PAPPA2: variants seen among roughly 807,000 people sequenced by gnomAD.
PAPPA2 encodes the protein pappalysin 2, also known as pappalysin-2.
Under a neutral mutation model 176.4 loss-of-function variants are expected in PAPPA2, and 86 were observed. That is an observed-to-expected ratio of 0.49 (90% CI 0.41 to 0.58). The LOEUF (loss-of-function observed/expected upper bound fraction) is 0.58. Among genes scored for constraint, PAPPA2 ranks in the 20% least tolerant of loss-of-function variants. The probability of loss-of-function intolerance (pLI) is 0.00; values close to 1 mark genes in which losing one functional copy is unlikely to be tolerated. For missense variants in PAPPA2, 2,073 were observed against 2,256.9 expected (o/e 0.92, Z 1.65); for synonymous variants, 809 against 852.2 (o/e 0.95, Z 0.88).
intron 3 of PAPPA2, among the ~76,000 whole-genome samples, chr1:176,635,881 CA>C (rs1656671470): frequency 6.6e-6 from 1 of 151,952 alleles, no homozygotes; most frequent in Non-Finnish European, 1.5e-5. Context: ...AATGAGGTTG[CA>C]AAACTGATCC....
intron 15 of PAPPA2, 125 bp from the exon 16 acceptor site, chr1:176,769,482 G>A (rs1664121300): frequency 9.8e-7 from 1 of 1,025,408 alleles, no homozygotes; most frequent in African/African-American, 1.6e-5. Context: ...GAGGGAGAAA[G>A]GCAAAATAAT....
intron 1 of PAPPA2, among the ~76,000 whole-genome samples, chr1:176,532,312 C>T (rs1055640202): frequency 3.3e-5 from 5 of 152,108 alleles, no homozygotes; most frequent in African/African-American, 4.8e-5. Context: ...ATAAAAGCAA[C>T]ATTTCTATTT....
At chr1:176,513,602 G>C (rs1648743243) in intron 1 of PAPPA2, among the ~76,000 whole-genome samples, 1 of 152,122 alleles carries the variant, frequency 6.6e-6, no homozygotes, top group African/African-American at 2.4e-5. Context: ...AACCAGTTGT[G>C]TTATCTTGGT....
intron 3 of PAPPA2, chr1:176,616,406 A>T (rs191236313): frequency 2.6e-5 from 16 of 617,070 alleles, no homozygotes; most frequent in African/African-American, 3.6e-5. Context: ...ATTGTACTGC[A>T]TCTTCATGTT....
At chr1:176,662,500 T>C (rs1658411406) in intron 3 of PAPPA2, among the ~76,000 whole-genome samples, 1 of 152,118 alleles carries the variant, frequency 6.6e-6, no homozygotes, top group Admixed American at 6.6e-5. Flanking sequence ...TGATCAATGC[T>C]CTGAAACAAA....
At chr1:176,746,211 A>G (rs1662896586) in intron 14 of PAPPA2, among the ~76,000 whole-genome samples, 1 of 152,176 alleles carries the variant, frequency 6.6e-6, no homozygotes. Flanking sequence ...CTAGCTGGTA[A>G]AGAGAAATGT....
intron 15 of PAPPA2, among the ~76,000 whole-genome samples, chr1:176,768,030 G>A (rs573238407): frequency 8.5e-5 from 13 of 152,322 alleles, no homozygotes; most frequent in African/African-American, 3.1e-4. Flanking sequence ...TGCCTTCAGC[G>A]GTCATTGTAC....
chr1:176,576,181 C>T (rs718067), intron 2 of PAPPA2, among the ~76,000 whole-genome samples: 53,403 of 151,974 alleles, frequency 0.35, 9,919 homozygotes, highest in South Asian at 0.58. Context: ...TTTACTAACT[C>T]TCTCTCACTC....
intron 2 of PAPPA2, among the ~76,000 whole-genome samples, chr1:176,585,266 G>A (rs1013091806): frequency 4.0e-5 from 6 of 151,868 alleles, no homozygotes; most frequent in African/African-American, 1.2e-4. Context: ...TAGTATTCTC[G>A]GCTGATGGAT....
At chr1:176,639,627 T>C (rs956221528) in intron 3 of PAPPA2, among the ~76,000 whole-genome samples, 1 of 152,078 alleles carries the variant, frequency 6.6e-6, no homozygotes, top group African/African-American at 2.4e-5. Flanking sequence ...TAGACCAGTT[T>C]GTAAAAGTAT....
At chr1:176,581,966 CAG>C (rs1230423960) in intron 2 of PAPPA2, among the ~76,000 whole-genome samples, 1 of 138,304 alleles carries the variant, frequency 7.2e-6, no homozygotes. Flanking sequence ...CTCTGTTGCC[CAG>C]GCTGGAGTGC....
intron 1 of PAPPA2, among the ~76,000 whole-genome samples, chr1:176,471,889 C>T (rs900317210): frequency 6.6e-6 from 1 of 152,152 alleles, no homozygotes; most frequent in Non-Finnish European, 1.5e-5. Flanking sequence ...TTTACTCCAG[C>T]CTCTGTATTT....
intron 12 of PAPPA2, among the ~76,000 whole-genome samples, chr1:176,718,076 C>A (rs189496024): frequency 1.1e-3 from 174 of 151,976 alleles, no homozygotes; most frequent in Middle Eastern, 6.8e-3. Flanking sequence ...CTGGTGTTTT[C>A]TTTGAGGAAA....
At chr1:176,564,224 T>A (rs1205441884) in intron 2 of PAPPA2, among the ~76,000 whole-genome samples, 1 of 152,214 alleles carries the variant, frequency 6.6e-6, no homozygotes, top group Admixed American at 6.5e-5. Flanking sequence ...TTGCTGTTGC[T>A]AGTATGTGGA....
chr1:176,799,173 G>A (rs1444691439), intron 20 of PAPPA2, among the ~76,000 whole-genome samples: 1 of 152,162 alleles, frequency 6.6e-6, no homozygotes, highest in Non-Finnish European at 1.5e-5. Context: ...GTTGGTAGCA[G>A]GCTATGGAGA....
At chr1:176,780,933 T>A (rs1664683686) in intron 17 of PAPPA2, among the ~76,000 whole-genome samples, 1 of 152,214 alleles carries the variant, frequency 6.6e-6, no homozygotes, top group Non-Finnish European at 1.5e-5. Flanking sequence ...TAATAGCTAT[T>A]GTATACATTT....
chr1:176,583,595 T>G (rs1473180926), intron 2 of PAPPA2, among the ~76,000 whole-genome samples: 2 of 152,206 alleles, frequency 1.3e-5, no homozygotes, highest in East Asian at 3.8e-4. Flanking sequence ...TTTGATGTTA[T>G]TTATTTTATT....
intron 1 of PAPPA2, chr1:176,553,730 A>C (rs1320887040): frequency 6.6e-6 from 1 of 151,790 alleles, no homozygotes; most frequent in East Asian, 2.0e-4. Context: ...TCCTTCCTGA[A>C]ATGAATGGTA....
Position 176,685,286 on chromosome 1 carries a change from G to A in PAPPA2, c.2138-4851G>A, listed in dbSNP as rs565949104. On this transcript the variant is annotated intron_variant, in intron 4 of 22. Coordinates refer to ENST00000367662, the MANE Select transcript of PAPPA2 (RefSeq NM_020318.3). The stretch of plus-strand genomic sequence containing the variant: ...TTAATCTTCATGACAATCCTTTGAG[G>A]TAGGAACTCTTGTTATTACCATTAA... 7.2e-5 allele frequency among the ~76,000 whole-genome samples: 11 copies of A among 152,168 alleles called. No individual in the cohort carries two copies. In the East Asian group the frequency reaches 1.9e-3, roughly 27 times the overall value.
Sources: gnomAD v4.1 joint callset for allele counts (sites outside exome capture counted in the v4.1 genomes callset) on GRCh38, gnomAD v4.1.1 for gene constraint, MANE v1.5 for transcripts, NCBI Gene and HGNC (gene_info 2026-07-23, HGNC 2026-07-21) for gene names.